PXDNL: variants seen among roughly 807,000 people sequenced by gnomAD.
PXDNL encodes the protein probable oxidoreductase PXDNL.
In PXDNL, 145 loss-of-function variants were observed where a neutral mutation model predicts 150.8. The ratio of observed to expected loss-of-function variants is 0.96; its 90% CI spans 0.84 to 1.10. The LOEUF is 1.10. Ranked by LOEUF, PXDNL falls within the 50% of genes least tolerant of loss-of-function variation. PXDNL has a pLI of 0.00. For synonymous variants in PXDNL, 757 were observed against 725.7 expected, an observed-to-expected ratio of 1.04 and a Z score of -0.69; for missense variants, 2,087 against 1,873.9, an observed-to-expected ratio of 1.11 and a Z score of -2.10.
At chr8:51,564,708 C>T (rs1812781039) in intron 3 of PXDNL, among the ~76,000 whole-genome samples, 1 of 151,496 alleles carries the variant, frequency 6.6e-6, no homozygotes, top group Non-Finnish European at 1.5e-5. Flanking sequence ...TACAGGGAGT[C>T]ATGAAATTAG....
chr8:51,408,992 C>A lies in PXDNL; in HGVS notation c.2632G>T (p.Val878Leu), dbSNP rs1321989011. The A allele has an allele frequency of 6.2e-7, 1 of 1,611,680 alleles. No homozygotes were observed. The highest frequency in any genetic ancestry group is 1.7e-5 in the Admixed American group (1 of 60,030). The part of the protein sequence containing the change: ...ACASGRPSAT[V>L]DSVYAREQIN... ...TGCTCTCGTGCATAGACTGAATCCA[C>A]CGTCGCAGAGGGACGGCCGCTGGCA... The change falls in exon 17 of 23, where the codon GTG becomes TTG. Residue 878 changes from valine (V) to leucine (L), a missense_variant. Transcript: ENST00000356297.
At chr8:51,660,275 A>C (rs550015733) in intron 1 of PXDNL, among the ~76,000 whole-genome samples, 3 of 152,326 alleles carry the variant, frequency 2.0e-5, no homozygotes, top group African/African-American at 7.2e-5. Context: ...CTTTTGAAAT[A>C]CTATGTGTAG....
chr8:51,598,217 C>T (rs900923346), intron 2 of PXDNL, among the ~76,000 whole-genome samples: 10 of 151,942 alleles, frequency 6.6e-5, no homozygotes, highest in Admixed American at 6.6e-5. Flanking sequence ...ATTTTGATGC[C>T]TTTTATTTCT....
chr8:51,519,586 G>T (rs1811615799), intron 4 of PXDNL, among the ~76,000 whole-genome samples: 1 of 152,116 alleles, frequency 6.6e-6, no homozygotes, highest in South Asian at 2.1e-4. Context: ...CAAGGAAGAG[G>T]AGAAAGAGGA....
chr8:51,665,365 A>G (rs538358534), intron 1 of PXDNL, among the ~76,000 whole-genome samples: 1 of 152,182 alleles, frequency 6.6e-6, no homozygotes, highest in Non-Finnish European at 1.5e-5. Context: ...ACTAAATGTG[A>G]GGATTTATCT....
chr8:51,486,139 A>G (rs931606981), intron 5 of PXDNL, among the ~76,000 whole-genome samples: 2 of 152,222 alleles, frequency 1.3e-5, no homozygotes, highest in Non-Finnish European at 2.9e-5. Flanking sequence ...AATTGCATCC[A>G]TGATTGAATA....
At position 51,565,326 on chromosome 8, in the gene PXDNL, ATAGATAG is replaced by A. The variant is rs1228946485; in HGVS notation, c.309-8422_309-8416del. Among the ~76,000 whole-genome samples, 563 of 105,658 alleles carry A rather than the reference ATAGATAG, an allele frequency of 5.3e-3. 2 individuals carry two copies. The highest frequency in any genetic ancestry group is 0.012 in the African/African-American group (237 of 20,450). 69.3% of individuals were successfully genotyped at this position (105,658 alleles called of 152,430 possible). ...AATAAATAAATAAATAAATAAATAG[ATAGATAG>A]ATAGATAGATAAATAAATAAATACA... On this transcript the variant is annotated intron_variant, in intron 3 of 22. Coordinates refer to ENST00000356297, the MANE Select transcript of PXDNL (RefSeq NM_144651.5).
chr8:51,497,571 C>T (rs965129994), intron 5 of PXDNL, among the ~76,000 whole-genome samples: 1 of 151,546 alleles, frequency 6.6e-6, no homozygotes, highest in Admixed American at 6.6e-5. Context: ...CTACACTGAA[C>T]TCAAATTTAC....
intron 1 of PXDNL, among the ~76,000 whole-genome samples, chr8:51,727,536 AGTT>A (rs1816837756): frequency 6.6e-6 from 1 of 152,214 alleles, no homozygotes; most frequent in African/African-American, 2.4e-5. Context: ...GAGAATATAG[AGTT>A]GTTAAAGCAA....
At chr8:51,743,457 C>T (rs924784737) in intron 1 of PXDNL, among the ~76,000 whole-genome samples, 1 of 152,110 alleles carries the variant, frequency 6.6e-6, no homozygotes, top group African/African-American at 2.4e-5. Flanking sequence ...TCTTGGCTCA[C>T]TGCAACCTCT....
At chr8:51,483,194 A>C (rs1810642546) in intron 6 of PXDNL, among the ~76,000 whole-genome samples, 1 of 152,196 alleles carries the variant, frequency 6.6e-6, no homozygotes. Flanking sequence ...CAGACCTTGC[A>C]AGCATGGGGA....
chr8:51,385,096 G>A (rs10504117), intron 17 of PXDNL, among the ~76,000 whole-genome samples: 33,776 of 151,948 alleles, frequency 0.22, 5,474 homozygotes, highest in African/African-American at 0.45. Flanking sequence ...ACAATAGCAT[G>A]TTTGAACAAT....
chr8:51,550,308 A>C (rs982875143), intron 4 of PXDNL, among the ~76,000 whole-genome samples: 1 of 152,152 alleles, frequency 6.6e-6, no homozygotes, highest in Non-Finnish European at 1.5e-5. Flanking sequence ...AAGATAAAGA[A>C]AGAGGGAATC....
At chr8:51,780,169 G>T (rs1217498967) in intron 1 of PXDNL, among the ~76,000 whole-genome samples, 1 of 151,966 alleles carries the variant, frequency 6.6e-6, no homozygotes. Flanking sequence ...CCAGGATCAC[G>T]CTGCTGCACT....
intron 19 of PXDNL, among the ~76,000 whole-genome samples, chr8:51,356,810 C>T (rs1235668577): frequency 6.6e-6 from 1 of 152,172 alleles, no homozygotes; most frequent in East Asian, 1.9e-4. Flanking sequence ...TGAACACTTG[C>T]TGCTTATCAC....
intron 5 of PXDNL, among the ~76,000 whole-genome samples, chr8:51,486,813 T>A (rs1405969746): frequency 5.5e-5 from 5 of 91,310 alleles, no homozygotes; most frequent in African/African-American, 2.2e-4. Context: ...TTTTTTTTTT[T>A]TTTTTTTTGA....
intron 21 of PXDNL, 43 bp downstream of exon 21, chr8:51,339,581 C>T: frequency 1.9e-6 from 3 of 1,579,672 alleles, no homozygotes; most frequent in Non-Finnish European, 2.6e-6. Flanking sequence ...TTAGTTATTC[C>T]AACGCATACA....
At chr8:51,501,852 C>G (rs1164110647) in intron 4 of PXDNL, among the ~76,000 whole-genome samples, 1 of 152,178 alleles carries the variant, frequency 6.6e-6, no homozygotes, top group African/African-American at 2.4e-5. Context: ...AGACTGGCTG[C>G]TGAAAGCAGG....
chr8:51,747,001 C>A (rs991756870), intron 1 of PXDNL, among the ~76,000 whole-genome samples: 6 of 152,012 alleles, frequency 3.9e-5, no homozygotes, highest in African/African-American at 1.5e-4. Flanking sequence ...GGGATTAAAG[C>A]GTGAGCCACT....
Sources: allele counts gnomAD v4.1 joint callset (sites outside exome capture counted in the v4.1 genomes callset), GRCh38; gene constraint gnomAD v4.1.1; transcripts MANE v1.5; gene names NCBI Gene and HGNC (gene_info 2026-07-23, HGNC 2026-07-21).